Variants in ADHFE1 observed in about 807,000 individuals in gnomAD.
ADHFE1 encodes alcohol dehydrogenase iron containing 1.
In ADHFE1, 37 loss-of-function variants were observed where a neutral mutation model predicts 54.8. That is an observed-to-expected ratio of 0.68 (90% CI 0.52 to 0.89). ADHFE1 has a LOEUF of 0.89. ADHFE1 is among the 40% of genes least tolerant of loss of function. The probability of loss-of-function intolerance (pLI) is 0.00; values close to 1 mark genes in which losing one functional copy is unlikely to be tolerated. For synonymous variants in ADHFE1, 203 were observed against 229.3 expected, an observed-to-expected ratio of 0.89 and a Z score of 1.04; for missense variants, 601 against 591.2, an observed-to-expected ratio of 1.02 and a Z score of -0.17.
chr8:66,467,470 C>T (rs1485041070), intron 13 of ADHFE1, among the ~76,000 whole-genome samples: 1 of 152,104 alleles, frequency 6.6e-6, no homozygotes, highest in Non-Finnish European at 1.5e-5. Flanking sequence ...CTGGTAGGCG[C>T]AGGGCAGAGA....
chr8:66,447,430 A>G (rs1446855030), intron 7 of ADHFE1, 89 bp downstream of exon 7: 3 of 1,133,186 alleles, frequency 2.6e-6, no homozygotes, highest in East Asian at 4.9e-5. Context: ...AGCAGTTATG[A>G]TACAGTTAGA....
At chr8:66,447,008 C>T (rs1291252612) in intron 6 of ADHFE1, among the ~76,000 whole-genome samples, 6 of 152,174 alleles carry the variant, frequency 3.9e-5, no homozygotes, top group African/African-American at 1.4e-4. Context: ...CAGATACAGA[C>T]ATCATACACA....
Position 66,444,410 on chromosome 8 carries a change from A to C in ADHFE1, c.188A>C (p.Glu63Ala). The change falls in exon 4 of 14, where the codon GAA becomes GCA. Residue 63 changes from glutamate to alanine, a missense_variant. Physicochemically the swap from Glu to Ala is moderately radical, Grantham distance 107. Coordinates refer to ENST00000396623, the MANE Select transcript of ADHFE1 (RefSeq NM_144650.3). Reference protein sequence around the residue: ...NIRYGAAVTKEVGMDLKNMGA... With the variant: ...NIRYGAAVTKAVGMDLKNMGA... ...AGATATGGAGCAGCAGTTACAAAGGAAGTAGGAATGGCAAGTATTCGAGAT... is the reference window on the plus strand; with the variant it reads ...AGATATGGAGCAGCAGTTACAAAGGCAGTAGGAATGGCAAGTATTCGAGAT... The C allele has an allele frequency of 6.2e-7, 1 of 1,614,146 alleles. No homozygotes were observed. Among genetic ancestry groups the C allele is most frequent in the Non-Finnish European group, 8.5e-7 (1 of 1,180,000 alleles).
chr8:66,459,631 A>G (rs532661026), intron 12 of ADHFE1: 2 of 152,086 alleles, frequency 1.3e-5, no homozygotes, highest in Admixed American at 1.3e-4. Flanking sequence ...TATTATCTGC[A>G]TATGAAACGC....
At chr8:66,435,120 A>G (rs1011408770) in intron 1 of ADHFE1, among the ~76,000 whole-genome samples, 1 of 152,188 alleles carries the variant, frequency 6.6e-6, no homozygotes, top group African/African-American at 2.4e-5. Context: ...TTGAGAGTAC[A>G]TTAGCTGTTG....
intron 8 of ADHFE1, among the ~76,000 whole-genome samples, chr8:66,450,968 A>G (rs1806268336): frequency 6.6e-6 from 1 of 152,250 alleles, no homozygotes; most frequent in Non-Finnish European, 1.5e-5. Flanking sequence ...GAAAACGAAA[A>G]CTGTAATTCA....
chr8:66,452,767 C>T (rs561259351), intron 9 of ADHFE1, among the ~76,000 whole-genome samples: 1 of 152,204 alleles, frequency 6.6e-6, no homozygotes, highest in South Asian at 2.1e-4. Context: ...CAAGTATATA[C>T]ATACATGTAT....
intron 3 of ADHFE1, among the ~76,000 whole-genome samples, chr8:66,443,335 T>C (rs1805862710): frequency 7.3e-6 from 1 of 137,580 alleles, no homozygotes; most frequent in Non-Finnish European, 1.5e-5. Flanking sequence ...TGGAGTGCAG[T>C]GGTGTGATCT....
chr8:66,440,879 A>G (rs1011564736), intron 2 of ADHFE1, among the ~76,000 whole-genome samples: 9 of 152,180 alleles, frequency 5.9e-5, no homozygotes, highest in African/African-American at 1.9e-4. Flanking sequence ...GAGGCTGACC[A>G]TCCAGGATCC....
chr8:66,460,411 T>A lies in ADHFE1; in HGVS notation c.1266T>A (p.Ala422=). The change falls in exon 13 of 14, where the codon GCT becomes GCA. Residue 422 remains alanine, a synonymous_variant. Coordinates refer to ENST00000396623, the MANE Select transcript of ADHFE1 (RefSeq NM_144650.3). ...FDLDVDDGLA[A]VGYSKADIPA... is the part of the protein sequence containing the mutation. ...TGGATGTTGATGATGGCCTAGCAGC[T>A]GTTGGTTACTCCAAAGCTGATATCC... 6.2e-7 allele frequency: 1 copy of A among 1,613,404 alleles called. No individual in the cohort carries two copies. The highest frequency in any genetic ancestry group is 8.5e-7 in the Non-Finnish European group (1 of 1,179,454).
At chr8:66,467,775 A>G (rs2555572) in intron 13 of ADHFE1, among the ~76,000 whole-genome samples, 85,923 of 152,040 alleles carry the variant, frequency 0.57, 25,342 homozygotes, top group African/African-American at 0.72. Flanking sequence ...GCTTGGGAAC[A>G]TAGAGATAAA....
In ADHFE1 at chr8:66,445,476, A is replaced by G. The variant is rs567781210; in HGVS notation, c.550+62A>G. 242 of 1,473,354 alleles carry G rather than the reference A, an allele frequency of 1.6e-4. 1 individual carries two copies. The African/African-American group carries it at 2.2e-3, about 13-fold the overall frequency. 91.3% of individuals were successfully genotyped at this position (1,473,354 alleles called of 1,614,324 possible). On this transcript the variant is annotated intron_variant, in intron 6 of 13. Coordinates refer to ENST00000396623, the MANE Select transcript of ADHFE1 (RefSeq NM_144650.3). ...CAATGAGCAATAGATCTTAAGAAAGATGCAAGCCAGTCCTTTTAACATACA... is the reference window on the plus strand; with the variant it reads ...CAATGAGCAATAGATCTTAAGAAAGGTGCAAGCCAGTCCTTTTAACATACA...
chr8:66,448,420 A>G (rs908331882), intron 7 of ADHFE1, among the ~76,000 whole-genome samples: 1 of 152,224 alleles, frequency 6.6e-6, no homozygotes, highest in Non-Finnish European at 1.5e-5. Flanking sequence ...TGCTATTATT[A>G]TAGTCTAATC....
intron 10 of ADHFE1, among the ~76,000 whole-genome samples, chr8:66,454,916 C>A (rs1327179044): frequency 6.6e-6 from 1 of 151,960 alleles, no homozygotes; most frequent in African/African-American, 2.4e-5. Context: ...CGGGGTTTCA[C>A]CATGTTGGCC....
chr8:66,458,773 T>C (rs1806730243), intron 12 of ADHFE1, among the ~76,000 whole-genome samples: 1 of 152,242 alleles, frequency 6.6e-6, no homozygotes, highest in Admixed American at 6.5e-5. Flanking sequence ...CTTAGATTTC[T>C]TAGCTTAGAA....
chr8:66,432,823 C>T, intron 1 of ADHFE1: 7 of 1,225,040 alleles, frequency 5.7e-6, no homozygotes, highest in Non-Finnish European at 7.1e-6. Context: ...AACTGAGGCC[C>T]AGAGAGGACC....
At chr8:66,446,677 A>C (rs1474441172) in intron 6 of ADHFE1, among the ~76,000 whole-genome samples, 1 of 152,230 alleles carries the variant, frequency 6.6e-6, no homozygotes, top group Non-Finnish European at 1.5e-5. Context: ...GGCAATATGC[A>C]TATTAAACAT....
chr8:66,433,063 G>C (rs1464643195), intron 1 of ADHFE1, among the ~76,000 whole-genome samples: 1 of 152,212 alleles, frequency 6.6e-6, no homozygotes, highest in Admixed American at 6.5e-5. Flanking sequence ...GGGAAGGATG[G>C]ATGTGAGAAG....
rs779181121 is a variant in ADHFE1 at position 66,448,977 on chromosome 8, G to A, written c.734+7G>A. ...GTGGCTTTGATGTGCTTTGGTAAGT[G>A]CTGGTGCCTCCTGGAGGGGCTTTTT... is the stretch of plus-strand genomic sequence containing the variant. On this transcript the variant is annotated splice_region_variant and intron_variant, in intron 8 of 13. Transcript: ENST00000396623. The A allele has an allele frequency of 6.2e-7, 1 of 1,613,084 alleles. No homozygotes were observed.
Sources: gnomAD v4.1 joint callset for allele counts (sites outside exome capture counted in the v4.1 genomes callset) on GRCh38, gnomAD v4.1.1 for gene constraint, MANE v1.5 for transcripts, NCBI Gene and HGNC (gene_info 2026-07-23, HGNC 2026-07-21) for gene names.